CAMK2B: variants seen among roughly 807,000 people sequenced by gnomAD.
CAMK2B encodes the protein calcium/calmodulin dependent protein kinase II beta.
In CAMK2B, 27 loss-of-function variants were observed where a neutral mutation model predicts 93.7. That is an observed-to-expected ratio of 0.29 (90% CI 0.21 to 0.40). CAMK2B has a LOEUF of 0.40. Among genes scored for constraint, CAMK2B ranks in the 10% least tolerant of loss-of-function variants. CAMK2B has a pLI of 1.00. For synonymous variants in CAMK2B, 374 were observed against 358.8 expected (o/e 1.04, Z -0.48); for missense variants, 568 against 895.8 (o/e 0.63, Z 4.67).
At chr7:44,255,777 G>A (rs1258579410) in intron 4 of CAMK2B, among the ~76,000 whole-genome samples, 1 of 152,222 alleles carries the variant, frequency 6.6e-6, no homozygotes, top group South Asian at 2.1e-4. Context: ...CTTGGCACAT[G>A]TGGGTGCTCT....
chr7:44,221,655 C>A (rs2096408694), intron 20 of CAMK2B, among the ~76,000 whole-genome samples: 1 of 152,236 alleles, frequency 6.6e-6, no homozygotes. Context: ...CCCCTGCAGA[C>A]ATCCCTGTTG....
intron 2 of CAMK2B, among the ~76,000 whole-genome samples, chr7:44,279,255 A>G (rs2097081421): frequency 6.6e-6 from 1 of 152,234 alleles, no homozygotes; most frequent in South Asian, 2.1e-4. Context: ...AAGAATTGAT[A>G]ACTGTTGAAG....
chr7:44,220,819 G>T lies in CAMK2B; in HGVS notation c.1673+7C>A, dbSNP rs1295296750. On this transcript the variant is annotated splice_region_variant and intron_variant, in intron 21 of 23. Coordinates refer to ENST00000395749, the MANE Select transcript of CAMK2B (RefSeq NM_001220.5). ...TGCACAGCCCCCCCCCAGCCCCAGG[G>T]ACTCACGCGTAGGCCTCAAAGTCAC... 3.8e-6 allele frequency: 6 copies of T among 1,563,824 alleles called. No homozygotes were observed. The South Asian group carries it at 7.1e-5, about 18-fold the overall frequency.
At chr7:44,299,620 C>T (rs1000758838) in intron 1 of CAMK2B, among the ~76,000 whole-genome samples, 3 of 151,992 alleles carry the variant, frequency 2.0e-5, no homozygotes, top group Non-Finnish European at 4.4e-5. Context: ...TATAAGTGAA[C>T]TGTCTACATT....
At chr7:44,231,221 C>G (rs1357694075) in intron 16 of CAMK2B, among the ~76,000 whole-genome samples, 167 bp from the exon 17 acceptor site, 1 of 152,232 alleles carries the variant, frequency 6.6e-6, no homozygotes, top group African/African-American at 2.4e-5. Context: ...GCTCAGGGGA[C>G]ATGCCCTCTG....
At chr7:44,305,957 C>T (rs143136590) in intron 1 of CAMK2B, among the ~76,000 whole-genome samples, 63 of 152,086 alleles carry the variant, frequency 4.1e-4, no homozygotes, top group African/African-American at 1.4e-3. Context: ...GGACCCCACC[C>T]CTCTGTTAAA....
At chr7:44,232,676 G>T in intron 16 of CAMK2B, 146 bp downstream of exon 16, 1 of 768,912 alleles carries the variant, frequency 1.3e-6, no homozygotes, top group South Asian at 1.6e-5. Flanking sequence ...CACGAAGACG[G>T]ACTGGGGCCC....
chr7:44,238,256 C>T (rs748321513), intron 13 of CAMK2B, among the ~76,000 whole-genome samples: 5 of 152,194 alleles, frequency 3.3e-5, no homozygotes, highest in East Asian at 1.9e-4. Context: ...CTGCTCTCGG[C>T]GCCCAGGGTG....
intron 2 of CAMK2B, among the ~76,000 whole-genome samples, chr7:44,266,630 G>A (rs1020987562): frequency 2.0e-5 from 3 of 152,176 alleles, no homozygotes; most frequent in Non-Finnish European, 4.4e-5. Context: ...CACTGAGCAG[G>A]TCCCGAGGCC....
Position 44,286,750 on chromosome 7 carries a change from A to C in CAMK2B, c.66-2525T>G, listed in dbSNP as rs542120004. ...ATCAGCCTAGGTCGGAGCAGTCAGCAATCGGGGAAGGCGGGGGCAGGGAAC... is the reference window on the plus strand; with the variant it reads ...ATCAGCCTAGGTCGGAGCAGTCAGCCATCGGGGAAGGCGGGGGCAGGGAAC... On this transcript the variant is annotated intron_variant, in intron 1 of 23. Coordinates refer to ENST00000395749, the MANE Select transcript of CAMK2B (RefSeq NM_001220.5). The surrounding 1 kb of genome is among the most constrained non-coding windows in gnomAD (Gnocchi z 4.0). Among the ~76,000 whole-genome samples the C allele has an allele frequency of 7.6e-4, 116 of 152,348 alleles. No homozygotes were observed. Among genetic ancestry groups the C allele is most frequent in the African/African-American group, 2.7e-3 (111 of 41,574 alleles).
At chr7:44,234,291 G>A in intron 15 of CAMK2B, 99 bp downstream of exon 15, 1 of 1,120,298 alleles carries the variant, frequency 8.9e-7, no homozygotes, top group South Asian at 1.6e-5. Context: ...GGCCAGGCGG[G>A]GCCAGACCCC....
intron 1 of CAMK2B, among the ~76,000 whole-genome samples, chr7:44,307,637 G>A (rs530766245): frequency 2.0e-5 from 3 of 152,158 alleles, no homozygotes; most frequent in Admixed American, 6.5e-5. Context: ...ACAAGGCTAC[G>A]GTGCCTGTGT....
rs545322141 is a variant in CAMK2B, at chr7:44,228,257, G to A, written c.1468+539C>T. On this transcript the variant is annotated intron_variant, in intron 19 of 23. Coordinates refer to ENST00000395749, the MANE Select transcript of CAMK2B (RefSeq NM_001220.5). ...GCAGAGGCCAGGCTTATGATTCTCCGTACTATCCCCTTGTTGGTGAGCTCC... is the reference window on the plus strand; with the variant it reads ...GCAGAGGCCAGGCTTATGATTCTCCATACTATCCCCTTGTTGGTGAGCTCC... Among the ~76,000 whole-genome samples, 34 of 152,164 alleles carry A rather than the reference G, an allele frequency of 2.2e-4. No individual in the cohort carries two copies. The East Asian group carries it at 2.5e-3, about 11-fold the overall frequency.
At chr7:44,281,032 C>G (rs765980523) in intron 2 of CAMK2B, among the ~76,000 whole-genome samples, 1 of 152,220 alleles carries the variant, frequency 6.6e-6, no homozygotes, top group South Asian at 2.1e-4. Flanking sequence ...CCCCCACCCC[C>G]AGAACATTTC....
At chr7:44,287,450 C>T (rs10275309) in intron 1 of CAMK2B, among the ~76,000 whole-genome samples, 31,902 of 152,136 alleles carry the variant, frequency 0.21, 4,101 homozygotes, top group Middle Eastern at 0.32. Context: ...TGCAGATCCA[C>T]CTCTGTCTCC....
chr7:44,284,086 G>T, intron 2 of CAMK2B, 45 bp downstream of exon 2: 1 of 1,459,522 alleles, frequency 6.9e-7, no homozygotes. Context: ...CAAAGCCCCT[G>T]CCCCAGCCTG....
At chr7:44,294,888 G>C (rs926553158) in intron 1 of CAMK2B, among the ~76,000 whole-genome samples, 2 of 152,188 alleles carry the variant, frequency 1.3e-5, no homozygotes, top group Admixed American at 1.3e-4. Context: ...GATACACATG[G>C]GGATTGGCAG....
In CAMK2B at chr7:44,258,904, G is replaced by C; in HGVS notation, c.243C>G (p.Ser81=). Residue 81 remains serine (S), a synonymous_variant, in exon 4 of 24, where the codon TCC becomes TCG. Coordinates refer to ENST00000395749, the MANE Select transcript of CAMK2B (RefSeq NM_001220.5). The stretch of plus-strand genomic sequence containing the variant: ...AGACCAGGTAGTGGAAGCCCTCCTC[G>C]GAGATGCTGTCGTGGAGACGCACTG... ...SNIVRLHDSI[S]EEGFHYLVFD... is the part of the protein sequence containing the mutation. 1 of 1,613,920 alleles carries C rather than the reference G, an allele frequency of 6.2e-7. No homozygotes were observed. Among genetic ancestry groups the C allele is most frequent in the Non-Finnish European group, 8.5e-7 (1 of 1,179,918 alleles).
At chr7:44,285,814 G>GC (rs1460882167) in intron 1 of CAMK2B, among the ~76,000 whole-genome samples, 1 of 130,510 alleles carries the variant, frequency 7.7e-6, no homozygotes, top group Non-Finnish European at 1.7e-5. Flanking sequence ...GATGCGGCGG[G>GC]GGGGAGGCGC....
Sources: gnomAD v4.1 joint callset for allele counts (sites outside exome capture counted in the v4.1 genomes callset) on GRCh38, gnomAD v4.1.1 for gene constraint, Gnocchi (gnomAD v3.1) non-coding constraint, MANE v1.5 for transcripts, NCBI Gene and HGNC (gene_info 2026-07-23, HGNC 2026-07-21) for gene names.